ATP2B2: variants seen among roughly 807,000 people sequenced by gnomAD.
ATP2B2 encodes plasma membrane calcium-transporting ATPase 2.
In ATP2B2, 15 loss-of-function variants were observed where a neutral mutation model predicts 120.0. The ratio of observed to expected loss-of-function variants is 0.12; its 90% CI spans 0.08 to 0.19. The LOEUF (loss-of-function observed/expected upper bound fraction) is 0.19. ATP2B2 is among the 10% of genes least tolerant of loss of function. ATP2B2 has a pLI of 1.00. For missense variants in ATP2B2, 1,045 were observed against 1,719.8 expected (o/e 0.61, Z 6.94); for synonymous variants, 694 against 700.3 (o/e 0.99, Z 0.14).
chr3:10,350,600 TG>T, intron 14 of ATP2B2, 23 bp from the exon 15 acceptor site: 2 of 1,606,662 alleles, frequency 1.2e-6, no homozygotes, highest in Non-Finnish European at 1.7e-6. Context: ...GCAGGGGCCA[TG>T]GGGGAGGGCA....
intron 5 of ATP2B2, among the ~76,000 whole-genome samples, chr3:10,399,834 C>A (rs1287292765): frequency 1.3e-5 from 2 of 152,244 alleles, no homozygotes; most frequent in East Asian, 3.8e-4. Context: ...TCCTTCAAAA[C>A]CCAGCTCAAC....
chr3:10,513,334 T>C (rs189923117), intron 3 of ATP2B2, among the ~76,000 whole-genome samples: 1 of 152,092 alleles, frequency 6.6e-6, no homozygotes, highest in African/African-American at 2.4e-5. Context: ...CTGGAAAAGC[T>C]TAGCAGTTCT....
intron 22 of ATP2B2, among the ~76,000 whole-genome samples, chr3:10,333,921 C>T (rs186246360): frequency 2.0e-5 from 3 of 152,308 alleles, no homozygotes; most frequent in Admixed American, 1.3e-4. Context: ...CTGATCTGGC[C>T]TCGAAGGAGG....
At chr3:10,477,951 G>A (rs1294705878) in intron 1 of ATP2B2, among the ~76,000 whole-genome samples, 2 of 152,108 alleles carry the variant, frequency 1.3e-5, no homozygotes. Flanking sequence ...ATTTTTTTGA[G>A]GGACCACTAT....
intron 3 of ATP2B2, among the ~76,000 whole-genome samples, chr3:10,408,116 G>A (rs1014793877): frequency 6.6e-6 from 1 of 152,216 alleles, no homozygotes; most frequent in Non-Finnish European, 1.5e-5. Flanking sequence ...GCTCAGGGAG[G>A]GCCCTGTTGG....
In ATP2B2 at chr3:10,326,693, G is replaced by A; in HGVS notation, c.*2121C>T. 2.5e-6 allele frequency: 1 copy of A among 399,044 alleles called. No individual in the cohort carries two copies. Among genetic ancestry groups the A allele is most frequent in the East Asian group, 3.6e-5 (1 of 28,082 alleles). 24.7% of individuals were successfully genotyped at this position (399,044 alleles called of 1,614,324 possible). ...CTTTGGTTATGCAGTTCCTCTCCTG[G>A]ATACATTCAGAGATACTTCTTCACG... is the stretch of plus-strand genomic sequence containing the variant. On this transcript the variant is annotated 3_prime_UTR_variant, in exon 23 of 23. Coordinates refer to ENST00000360273, the MANE Select transcript of ATP2B2 (RefSeq NM_001001331.4).
chr3:10,671,472 C>T (rs1418552412), intron 1 of ATP2B2, among the ~76,000 whole-genome samples: 6 of 152,138 alleles, frequency 3.9e-5, no homozygotes, highest in Non-Finnish European at 8.8e-5. Context: ...CAGTTTCAGC[C>T]CCGAAATCCC....
At position 10,383,000 on chromosome 3, in the gene ATP2B2, C is replaced by A. The variant is rs958595709; in HGVS notation, c.1000+2268G>T. Among the ~76,000 whole-genome samples, 2 of 151,908 alleles carry A rather than the reference C, an allele frequency of 1.3e-5. 1 individual carries two copies. The highest frequency in any genetic ancestry group is 2.9e-5 in the Non-Finnish European group (2 of 67,988). ...GGAGTCTGGAAAGCCTGTTAAAATG[C>A]AGATTCTCCTTCAGTTGGTCTGGGG... On this transcript the variant is annotated intron_variant, in intron 8 of 22. Coordinates refer to ENST00000360273, the MANE Select transcript of ATP2B2 (RefSeq NM_001001331.4).
At chr3:10,512,475 C>CAGACACACAG (rs1559431426) in intron 3 of ATP2B2, among the ~76,000 whole-genome samples, 10 of 70,594 alleles carry the variant, frequency 1.4e-4, no homozygotes, top group African/African-American at 5.4e-4. Flanking sequence ...CACACACACA[C>CAGACACACAG]ACACACACAC....
intron 1 of ATP2B2, among the ~76,000 whole-genome samples, chr3:10,639,054 A>T (rs2070099022): frequency 6.6e-6 from 1 of 152,218 alleles, no homozygotes; most frequent in Non-Finnish European, 1.5e-5. Context: ...AAGGGACAGA[A>T]CTATTGGGGT....
At chr3:10,705,328 G>C (rs1009410392) in intron 1 of ATP2B2, among the ~76,000 whole-genome samples, 1 of 152,192 alleles carries the variant, frequency 6.6e-6, no homozygotes, top group Non-Finnish European at 1.5e-5. Flanking sequence ...TATTGTGGGG[G>C]TGGTATTCCT....
At chr3:10,661,622 A>G (rs1179772439) in intron 1 of ATP2B2, among the ~76,000 whole-genome samples, 1 of 152,250 alleles carries the variant, frequency 6.6e-6, no homozygotes, top group Non-Finnish European at 1.5e-5. Flanking sequence ...ATGGAAGAAC[A>G]TTCCATGCTC....
intron 2 of ATP2B2, among the ~76,000 whole-genome samples, chr3:10,549,288 A>G (rs2067616507): frequency 6.6e-6 from 1 of 152,034 alleles, no homozygotes; most frequent in Non-Finnish European, 1.5e-5. Flanking sequence ...CCTGTGCTGT[A>G]CTGTTCACTT....
intron 12 of ATP2B2, 109 bp from the exon 13 acceptor site, chr3:10,360,232 G>A: frequency 6.8e-7 from 1 of 1,465,924 alleles, no homozygotes; most frequent in Middle Eastern, 2.5e-4. Flanking sequence ...TCTCTGGGCT[G>A]GGGGCTGAGC....
intron 3 of ATP2B2, among the ~76,000 whole-genome samples, chr3:10,525,039 G>T (rs905906541): frequency 1.3e-5 from 2 of 152,306 alleles, no homozygotes; most frequent in African/African-American, 4.8e-5. Flanking sequence ...CTCAGAACAG[G>T]AGCTACCTAT....
At position 10,410,821 on chromosome 3, in the gene ATP2B2, G is replaced by A; in HGVS notation, c.200-6C>T. On this transcript the variant is annotated splice_region_variant and splice_polypyrimidine_tract_variant and intron_variant, in intron 2 of 22. Coordinates refer to ENST00000360273, the MANE Select transcript of ATP2B2 (RefSeq NM_001001331.4). Reference sequence around the variant, plus strand: ...TGGAGCGGTGCCCGGCAAACCTGTGGACAGAGAACAGAGAGGTTGGCTGGG... The same window carrying A: ...TGGAGCGGTGCCCGGCAAACCTGTGAACAGAGAACAGAGAGGTTGGCTGGG... 1 of 1,613,312 alleles carries A rather than the reference G, an allele frequency of 6.2e-7. No individual in the cohort carries two copies. Among genetic ancestry groups the A allele is most frequent in the Non-Finnish European group, 8.5e-7 (1 of 1,180,014 alleles).
chr3:10,562,374 G>A (rs2067921937), intron 2 of ATP2B2, among the ~76,000 whole-genome samples: 1 of 152,164 alleles, frequency 6.6e-6, no homozygotes, highest in African/African-American at 2.4e-5. Context: ...GGGTGGGGGA[G>A]TTACTATTCT....
chr3:10,694,299 C>A (rs2071710528), intron 1 of ATP2B2, among the ~76,000 whole-genome samples: 1 of 152,264 alleles, frequency 6.6e-6, no homozygotes, highest in Non-Finnish European at 1.5e-5. Flanking sequence ...CTCCTTCGTA[C>A]TACCCCTTTA....
rs939236252 is a variant in ATP2B2 at position 10,340,108 on chromosome 3, G to C, written c.3237+134C>G. ...TATAGGACCTGGGACAAACCCCCTT[G>C]CTCAGATGTCCAGAGATAGGGAGGA... On this transcript the variant is annotated intron_variant, in intron 21 of 22. Coordinates refer to ENST00000360273, the MANE Select transcript of ATP2B2 (RefSeq NM_001001331.4). The surrounding 1 kb of genome is among the most constrained non-coding windows in gnomAD (Gnocchi z 5.0). The C allele has an allele frequency of 4.8e-6, 4 of 829,498 alleles. No homozygotes were observed. Among genetic ancestry groups the C allele is most frequent in the Admixed American group, 4.0e-5 (2 of 50,338 alleles). The allele number at this position is 829,498 out of a possible 1,614,324, so 51.4% of individuals were successfully genotyped here.
Sources: allele counts gnomAD v4.1 joint callset (sites outside exome capture counted in the v4.1 genomes callset), GRCh38; gene constraint gnomAD v4.1.1; non-coding constraint Gnocchi (gnomAD v3.1); transcripts MANE v1.5; gene names NCBI Gene and HGNC (gene_info 2026-07-23, HGNC 2026-07-21).